The following KIF26B variants were observed in gnomAD, a reference collection of about 807,000 sequenced individuals.
KIF26B encodes kinesin-like protein KIF26B.
Under a neutral mutation model 151.2 loss-of-function variants are expected in KIF26B, and 63 were observed. That is an observed-to-expected ratio of 0.42 (90% CI 0.34 to 0.51). The LOEUF is 0.51. KIF26B is among the 20% of genes least tolerant of loss of function. KIF26B has a pLI of 0.07. For missense variants in KIF26B, 2,813 were observed against 2,913.6 expected, an observed-to-expected ratio of 0.97 and a Z score of 0.79; for synonymous variants, 1,357 against 1,262.1, an observed-to-expected ratio of 1.08 and a Z score of -1.59.
At chr1:245,647,286 G>A (rs1468766453) in intron 10 of KIF26B, among the ~76,000 whole-genome samples, 7 of 151,734 alleles carry the variant, frequency 4.6e-5, no homozygotes, top group Non-Finnish European at 1.0e-4. Flanking sequence ...TTAGCTGGGC[G>A]TGGTGGTGGG....
chr1:245,386,819 A>G (rs1391633204), intron 3 of KIF26B, among the ~76,000 whole-genome samples: 1 of 152,206 alleles, frequency 6.6e-6, no homozygotes, highest in Non-Finnish European at 1.5e-5. Flanking sequence ...TGAACTGTTT[A>G]CTCAGTATTT....
chr1:245,576,226 G>C (rs560263818), intron 5 of KIF26B, among the ~76,000 whole-genome samples: 15 of 152,250 alleles, frequency 9.9e-5, no homozygotes, highest in African/African-American at 3.6e-4. Flanking sequence ...GATCTTCCTT[G>C]AACATAGACT....
At chr1:245,696,701 T>C (rs1249850404) in intron 12 of KIF26B, among the ~76,000 whole-genome samples, 1 of 152,200 alleles carries the variant, frequency 6.6e-6, no homozygotes, top group Non-Finnish European at 1.5e-5. Flanking sequence ...GAGACAGACA[T>C]TTGCTTTATT....
intron 2 of KIF26B, among the ~76,000 whole-genome samples, chr1:245,236,205 G>C (rs1670107381): frequency 6.6e-6 from 1 of 152,160 alleles, no homozygotes; most frequent in Non-Finnish European, 1.5e-5. Context: ...TGGGATTACA[G>C]GCGTGAGTGA....
chr1:245,273,334 C>T (rs111547067), intron 2 of KIF26B, among the ~76,000 whole-genome samples: 7 of 151,006 alleles, frequency 4.6e-5, no homozygotes, highest in African/African-American at 1.7e-4. Context: ...CAGAGAATCG[C>T]TTGAACCCAG....
intron 3 of KIF26B, among the ~76,000 whole-genome samples, chr1:245,413,671 A>G (rs1674347318): frequency 6.6e-6 from 1 of 152,200 alleles, no homozygotes; most frequent in Non-Finnish European, 1.5e-5. Flanking sequence ...TCAAAAATAA[A>G]TAAATAAATA....
At chr1:245,551,207 AATTTTTTGT>A (rs1661873665) in intron 5 of KIF26B, among the ~76,000 whole-genome samples, 1 of 151,958 alleles carries the variant, frequency 6.6e-6, no homozygotes, top group African/African-American at 2.4e-5. Context: ...ATGCCCTGCT[AATTTTTTGT>A]ATTTTTTGTA....
chr1:245,525,986 TA>T (rs1214128491), intron 4 of KIF26B, among the ~76,000 whole-genome samples: 1 of 152,308 alleles, frequency 6.6e-6, no homozygotes, highest in East Asian at 1.9e-4. Context: ...TCCATAGCAT[TA>T]AAAATTACCT....
At chr1:245,384,937 T>C (rs1022719802) in intron 3 of KIF26B, among the ~76,000 whole-genome samples, 1 of 152,198 alleles carries the variant, frequency 6.6e-6, no homozygotes, top group African/African-American at 2.4e-5. Flanking sequence ...TCCCCATACA[T>C]CTTATGTCTT....
chr1:245,667,037 CTG>C lies in KIF26B; in HGVS notation c.2259-17193_2259-17192del. The stretch of plus-strand genomic sequence containing the variant: ...CTCTGCTGTGATCCACCCTTGAAGA[CTG>C]TGAGCTGTGCAGAACGAAGCAGGTC... On this transcript the variant is annotated intron_variant, in intron 10 of 14. Coordinates refer to ENST00000407071, the MANE Select transcript of KIF26B (RefSeq NM_018012.4). This position sits in a 1 kb window ranked among gnomAD's most constrained non-coding sequence, Gnocchi z 4.3. 6.6e-6 allele frequency among the ~76,000 whole-genome samples: 1 copy of C among 152,192 alleles called. No homozygotes were observed. The highest frequency in any genetic ancestry group is 1.5e-5 in the Non-Finnish European group (1 of 68,016).
At chr1:245,428,354 T>C (rs980157573) in intron 4 of KIF26B, among the ~76,000 whole-genome samples, 3 of 152,152 alleles carry the variant, frequency 2.0e-5, no homozygotes, top group Non-Finnish European at 4.4e-5. Flanking sequence ...CAAGGGTATA[T>C]TTAGTGCCAT....
In KIF26B at chr1:245,408,986, A is replaced by G. The variant is rs112929642; in HGVS notation, c.1000-10593A>G. Among the ~76,000 whole-genome samples, 646 of 152,352 alleles carry G rather than the reference A, an allele frequency of 4.2e-3. 5 individuals carry two copies. Among genetic ancestry groups the G allele is most frequent in the African/African-American group, 0.015 (626 of 41,590 alleles). Reference sequence around the variant, plus strand: ...GTGGCAATGGTGATAATGATGATCTATGAGCCCACCTGTTTCACATCCTCA... The same window carrying G: ...GTGGCAATGGTGATAATGATGATCTGTGAGCCCACCTGTTTCACATCCTCA... On this transcript the variant is annotated intron_variant, in intron 3 of 14. Coordinates refer to ENST00000407071, the MANE Select transcript of KIF26B (RefSeq NM_018012.4).
chr1:245,457,069 T>G (rs976894305), intron 4 of KIF26B, among the ~76,000 whole-genome samples: 2 of 152,238 alleles, frequency 1.3e-5, no homozygotes, highest in Non-Finnish European at 2.9e-5. Flanking sequence ...TTTCACCACG[T>G]TGGCCAGGCT....
intron 4 of KIF26B, among the ~76,000 whole-genome samples, chr1:245,487,479 G>A (rs1660307661): frequency 6.6e-6 from 1 of 152,216 alleles, no homozygotes; most frequent in Non-Finnish European, 1.5e-5. Flanking sequence ...GCTTCACAGT[G>A]TGCCTTCAGG....
chr1:245,482,313 C>A (rs1660184444), intron 4 of KIF26B, among the ~76,000 whole-genome samples: 1 of 151,694 alleles, frequency 6.6e-6, no homozygotes, highest in African/African-American at 2.4e-5. Flanking sequence ...TGGTCTCGAA[C>A]TCCTGACCTC....
At chr1:245,518,926 C>T (rs1432896349) in intron 4 of KIF26B, among the ~76,000 whole-genome samples, 1 of 152,140 alleles carries the variant, frequency 6.6e-6, no homozygotes, top group East Asian at 1.9e-4. Flanking sequence ...CTCCCGGATC[C>T]CTTTGTGCAT....
At chr1:245,589,403 G>A (rs2043262251) in intron 5 of KIF26B, among the ~76,000 whole-genome samples, 1 of 152,150 alleles carries the variant, frequency 6.6e-6, no homozygotes, top group South Asian at 2.1e-4. Context: ...TTACGTGCCT[G>A]CCATCTGTCC....
At chr1:245,169,360 T>TGTGTGTGTGTGCGC (rs1230032870) in intron 2 of KIF26B, among the ~76,000 whole-genome samples, 1 of 151,734 alleles carries the variant, frequency 6.6e-6, no homozygotes, top group African/African-American at 2.4e-5. Context: ...TGTGTGTGTG[T>TGTGTGTGTGTGCGC]GTGCGCGCAA....
intron 10 of KIF26B, among the ~76,000 whole-genome samples, chr1:245,673,477 A>G (rs1265276285): frequency 6.6e-6 from 1 of 152,284 alleles, no homozygotes; most frequent in African/African-American, 2.4e-5. Context: ...TAGGGGGCAG[A>G]TAGAAAATAG....
Sources: allele counts gnomAD v4.1 joint callset (sites outside exome capture counted in the v4.1 genomes callset), GRCh38; gene constraint gnomAD v4.1.1; non-coding constraint Gnocchi (gnomAD v3.1); transcripts MANE v1.5; gene names NCBI Gene and HGNC (gene_info 2026-07-23, HGNC 2026-07-21).